The following DYNLRB2 variants were observed in gnomAD, a reference collection of about 807,000 sequenced individuals.
DYNLRB2 encodes the protein bithoraxoid-like protein.
A neutral mutation model predicts 12.6 loss-of-function variants in DYNLRB2; 14 were observed. The ratio of observed to expected loss-of-function variants is 1.11; its 90% CI spans 0.73 to 1.73. The LOEUF (loss-of-function observed/expected upper bound fraction) is 1.73, where lower values mean the gene tolerates loss of function less well. Ranked by LOEUF, DYNLRB2 falls within the 40% of genes most tolerant of loss-of-function variation. The probability of loss-of-function intolerance (pLI) is 0.00; values close to 1 mark genes in which losing one functional copy is unlikely to be tolerated. For missense variants in DYNLRB2, 142 were observed against 117.7 expected (o/e 1.21, Z -0.95); for synonymous variants, 53 against 37.0 (o/e 1.43, Z -1.57).
At chr16:80,545,741 C>T (rs1303354637) in intron 2 of DYNLRB2, among the ~76,000 whole-genome samples, 1 of 123,632 alleles carries the variant, frequency 8.1e-6, no homozygotes, top group Non-Finnish European at 1.6e-5. Flanking sequence ...GATCTCAGCT[C>T]ACAGCAAGCT....
At chr16:80,548,846 A>C in intron 2 of DYNLRB2, 1 of 432,658 alleles carries the variant, frequency 2.3e-6, no homozygotes, top group South Asian at 1.6e-5. Flanking sequence ...ACATTTTCTA[A>C]CATAAAACTT....
rs1259454220 is a variant in DYNLRB2 at position 80,549,056 on chromosome 16, A to T, written c.80-428A>T. 3 of 455,222 alleles carry T rather than the reference A, an allele frequency of 6.6e-6. No individual in the cohort carries two copies. In the East Asian group the frequency reaches 2.1e-4, roughly 32 times the overall value. 28.2% of individuals were successfully genotyped at this position (455,222 alleles called of 1,614,324 possible). A position where few individuals can be genotyped will look rare whatever the true frequency, so the allele number is the denominator to read the frequency against. ...AAATATGTTAACTTAGTACTCAAGT[A>T]GTCAGTTAATGGCTTCTGAAAGATT... On this transcript the variant is annotated intron_variant, in intron 2 of 3. Transcript: ENST00000305904.
intron 1 of DYNLRB2, among the ~76,000 whole-genome samples, chr16:80,542,603 G>T (rs1248539718): frequency 1.3e-5 from 2 of 152,144 alleles, no homozygotes; most frequent in Non-Finnish European, 2.9e-5. Flanking sequence ...TACAGGGGAA[G>T]AAAACATACA....
rs1369919409 is a variant in DYNLRB2 at position 80,543,286 on chromosome 16, A to C, written c.14A>C (p.Glu5Ala). Residue 5 changes from glutamate to alanine, a missense_variant, in exon 2 of 4, where the codon GAG (glutamate) becomes GCG (alanine). Coordinates refer to ENST00000305904, the MANE Select transcript of DYNLRB2 (RefSeq NM_130897.3). The stretch of plus-strand genomic sequence containing the variant: ...CCTGGTCTCTTTCAGGCAGAGGTGG[A>C]GGAAACCTTAAAGAGGATCCAGAGT... MAEV[E>A]ETLKRIQSHK... 5.6e-6 allele frequency: 9 copies of C among 1,613,886 alleles called. No individual in the cohort carries two copies. Among genetic ancestry groups the C allele is most frequent in the Non-Finnish European group, 7.6e-6 (9 of 1,179,902 alleles).
chr16:80,541,632 C>G (rs1481911277), intron 1 of DYNLRB2, among the ~76,000 whole-genome samples: 2 of 129,750 alleles, frequency 1.5e-5, no homozygotes, highest in East Asian at 4.8e-4. Context: ...AAGCAAAGGG[C>G]GTTAAGAGAA....
At chr16:80,544,651 A>G (rs144901603) in intron 2 of DYNLRB2, 2 of 152,328 alleles carry the variant, frequency 1.3e-5, no homozygotes, top group East Asian at 1.9e-4. Context: ...ACAGTAACAA[A>G]CTACAACATG....
intron 2 of DYNLRB2, chr16:80,547,726 C>T (rs1334619026): frequency 2.2e-6 from 1 of 455,328 alleles, no homozygotes; most frequent in Non-Finnish European, 4.4e-6. Context: ...AGGTTGCATG[C>T]TTGCTACGTT....
intron 1 of DYNLRB2, 90 bp from the exon 2 acceptor site, chr16:80,543,186 G>A: frequency 1.5e-6 from 2 of 1,291,968 alleles, no homozygotes; most frequent in South Asian, 1.3e-5. Context: ...AAGGAGATAG[G>A]AGAGTAGGTA....
intron 1 of DYNLRB2, 102 bp downstream of exon 1, chr16:80,541,181 AG>A (rs1904284968): frequency 1.0e-5 from 15 of 1,479,884 alleles, no homozygotes; most frequent in Admixed American, 7.6e-5. Flanking sequence ...CGGGCGGTCC[AG>A]GGGCCGCGGC....
upstream of DYNLRB2, chr16:80,540,919 G>A (rs977819435): frequency 3.0e-6 from 4 of 1,354,582 alleles, no homozygotes; most frequent in South Asian, 2.5e-5. Flanking sequence ...TCAGGAGCGC[G>A]GTCAGGGCGA....
chr16:80,548,819 A>G, intron 2 of DYNLRB2: 1 of 398,208 alleles, frequency 2.5e-6, no homozygotes, highest in Admixed American at 2.6e-5. Context: ...CAGCAAAACT[A>G]CAATATCCTT....
At chr16:80,546,209 T>C (rs999356624) in intron 2 of DYNLRB2, among the ~76,000 whole-genome samples, 1 of 152,212 alleles carries the variant, frequency 6.6e-6, no homozygotes, top group African/African-American at 2.4e-5. Flanking sequence ...TGTAATAAAA[T>C]ACTCAATTTC....
At chr16:80,545,226 T>C (rs936447299) in intron 2 of DYNLRB2, among the ~76,000 whole-genome samples, 1 of 152,174 alleles carries the variant, frequency 6.6e-6, no homozygotes, top group Non-Finnish European at 1.5e-5. Context: ...CAATTTATCC[T>C]AAAGAGTGAT....
chr16:80,550,413 A>T (rs1904769518), intron 3 of DYNLRB2, 102 bp from the exon 4 acceptor site: 2 of 1,391,290 alleles, frequency 1.4e-6, no homozygotes, highest in Admixed American at 3.4e-5. Flanking sequence ...ATCTGTCTGC[A>T]CAAGGTCCCT....
rs370779812 is a variant in DYNLRB2 at position 80,549,496 on chromosome 16, G to T, written c.92G>T (p.Arg31Leu). 1 of 1,594,976 alleles carries T rather than the reference G, an allele frequency of 6.3e-7. No homozygotes were observed. Among genetic ancestry groups the T allele is most frequent in the South Asian group, 1.1e-5 (1 of 87,254 alleles). The part of the protein sequence containing the change: ...MVVNAEGIPI[R>L]TTLDNSTTVQ... Reference sequence around the variant, plus strand: ...AATTTCATAATAGGTATTCCCATCCGAACAACCTTGGACAACTCAACAACT... The same window carrying T: ...AATTTCATAATAGGTATTCCCATCCTAACAACCTTGGACAACTCAACAACT... The change falls in exon 3 of 4, where the codon CGA (arginine) becomes CTA (leucine). Residue 31 changes from arginine to leucine, a missense_variant. Physicochemically the swap from Arg to Leu is moderately radical, Grantham distance 102. Transcript: ENST00000305904.
chr16:80,545,073 C>T (rs769991204), intron 2 of DYNLRB2, among the ~76,000 whole-genome samples: 1 of 152,152 alleles, frequency 6.6e-6, no homozygotes, highest in Non-Finnish European at 1.5e-5. Context: ...CAACCCTGTA[C>T]AGGTGCATTC....
chr16:80,545,142 G>A (rs1904368813), intron 2 of DYNLRB2, among the ~76,000 whole-genome samples: 1 of 152,078 alleles, frequency 6.6e-6, no homozygotes, highest in African/African-American at 2.4e-5. Flanking sequence ...TTGGTCTAAA[G>A]TAGGTAATCC....
chr16:80,547,048 T>C (rs1177321254), intron 2 of DYNLRB2, among the ~76,000 whole-genome samples: 2 of 152,224 alleles, frequency 1.3e-5, no homozygotes, highest in Non-Finnish European at 2.9e-5. Flanking sequence ...CAAGGACATA[T>C]TCTGTAGCCT....
upstream of DYNLRB2, chr16:80,540,843 G>C: frequency 1.3e-6 from 1 of 746,402 alleles, no homozygotes; most frequent in Non-Finnish European, 2.4e-6. Context: ...TCCAGGATTG[G>C]GCGAACCTCA....
Sources: allele counts gnomAD v4.1 joint callset (sites outside exome capture counted in the v4.1 genomes callset), GRCh38; gene constraint gnomAD v4.1.1; transcripts MANE v1.5; gene names NCBI Gene and HGNC (gene_info 2026-07-23, HGNC 2026-07-21).